RAPGEF2: variants seen among roughly 807,000 people sequenced by gnomAD.
RAPGEF2 encodes PDZ domain containing guanine nucleotide exchange factor (GEF) 1.
RAPGEF2 carries 54 observed loss-of-function variants against 186.7 expected under a neutral mutation model. The ratio of observed to expected loss-of-function variants is 0.29; its 90% CI spans 0.23 to 0.36. The LOEUF (loss-of-function observed/expected upper bound fraction) is 0.36, where lower values mean the gene tolerates loss of function less well. RAPGEF2 is among the 10% of genes least tolerant of loss of function. The probability of loss-of-function intolerance (pLI) is 1.00; values close to 1 mark genes in which losing one functional copy is unlikely to be tolerated. For missense variants in RAPGEF2, 1,532 were observed against 2,045.0 expected (o/e 0.75, Z 4.84); for synonymous variants, 712 against 705.9 (o/e 1.01, Z -0.14).
intron 4 of RAPGEF2, among the ~76,000 whole-genome samples, chr4:159,220,517 G>A (rs894016051): frequency 2.0e-5 from 3 of 152,192 alleles, no homozygotes; most frequent in East Asian, 1.9e-4. Context: ...ACTCCTTGGC[G>A]AGACATACAG....
intron 7 of RAPGEF2, among the ~76,000 whole-genome samples, chr4:159,265,306 T>C (rs1286624623): frequency 6.6e-6 from 1 of 152,116 alleles, no homozygotes; most frequent in Non-Finnish European, 1.5e-5. Context: ...TGGGACTACA[T>C]GCAAAATTAC....
intron 1 of RAPGEF2, among the ~76,000 whole-genome samples, chr4:159,164,008 GT>G (rs879751797): frequency 6.1e-4 from 88 of 145,380 alleles, no homozygotes; most frequent in East Asian, 6.0e-4. Context: ...AGTACTGGTA[GT>G]TTTTTTTTTT....
chr4:159,259,857 A>G (rs1387790989), intron 7 of RAPGEF2, among the ~76,000 whole-genome samples: 8 of 152,320 alleles, frequency 5.3e-5, no homozygotes, highest in South Asian at 4.1e-4. Flanking sequence ...CTAGTTATAT[A>G]TAATCTGAAT....
chr4:159,327,115 GATT>G (rs1404394859), intron 11 of RAPGEF2: 2 of 152,190 alleles, frequency 1.3e-5, no homozygotes, highest in Admixed American at 1.3e-4. Flanking sequence ...ATTGAAAATT[GATT>G]ACACTATATG....
At chr4:159,258,670 ACT>A (rs2110731558) in intron 7 of RAPGEF2, among the ~76,000 whole-genome samples, 1 of 152,282 alleles carries the variant, frequency 6.6e-6, no homozygotes, top group Admixed American at 6.5e-5. Context: ...ATTTCTGAAG[ACT>A]CAATAGGTCT....
chr4:159,251,345 C>T (rs1202420631), intron 7 of RAPGEF2, among the ~76,000 whole-genome samples: 2 of 152,238 alleles, frequency 1.3e-5, no homozygotes, highest in Non-Finnish European at 2.9e-5. Flanking sequence ...GCTCTGCCCG[C>T]GTCCCAGGCG....
At chr4:159,257,566 T>C (rs1033156366) in intron 7 of RAPGEF2, among the ~76,000 whole-genome samples, 1 of 152,196 alleles carries the variant, frequency 6.6e-6, no homozygotes, top group African/African-American at 2.4e-5. Context: ...CCAAATCATA[T>C]CAACATTTAA....
intron 4 of RAPGEF2, among the ~76,000 whole-genome samples, chr4:159,231,475 G>A (rs533621665): frequency 3.1e-4 from 47 of 151,824 alleles, no homozygotes; most frequent in African/African-American, 4.3e-4. Context: ...TCATATATCC[G>A]TGTGAGAAAT....
intron 1 of RAPGEF2, among the ~76,000 whole-genome samples, chr4:159,137,527 A>C (rs544485319): frequency 6.6e-6 from 1 of 152,316 alleles, no homozygotes; most frequent in African/African-American, 2.4e-5. Context: ...TTAGGGCTTC[A>C]GTATATGAAT....
chr4:159,354,962 A>G lies in RAPGEF2; in HGVS notation c.4652-891A>G, dbSNP rs115008409. Among the ~76,000 whole-genome samples, 718 of 152,336 alleles carry G rather than the reference A, an allele frequency of 4.7e-3. 6 individuals carry two copies. The highest frequency in any genetic ancestry group is 8.2e-3 in the Non-Finnish European group (557 of 68,032). The stretch of plus-strand genomic sequence containing the variant: ...TATAATCATTACGGACATTACTTTT[A>G]TTAGTAGGAAAATTGTAGTTATTTA... On this transcript the variant is annotated intron_variant, in intron 28 of 29. Coordinates refer to ENST00000691494, the MANE Select transcript of RAPGEF2 (RefSeq NM_001394067.2).
At position 159,193,240 on chromosome 4, in the gene RAPGEF2, A is replaced by G; in HGVS notation, c.181A>G (p.Asn61Asp). 6.7e-7 allele frequency: 1 copy of G among 1,501,894 alleles called. No homozygotes were observed. The highest frequency in any genetic ancestry group is 2.6e-5 in the East Asian group (1 of 39,198). 93.0% of individuals were successfully genotyped at this position (1,501,894 alleles called of 1,614,324 possible). Reference sequence around the variant, plus strand: ...TGTGAGATATGAGAGACACGAAGCAAATGAAGTTTTATACTAGTAGGTGTT... The same window carrying G: ...TGTGAGATATGAGAGACACGAAGCAGATGAAGTTTTATACTAGTAGGTGTT... ...ETVRYERHEA[N>D]EVLYYPDDIG... Residue 61 changes from asparagine (N) to aspartate (D), a missense_variant, in exon 3 of 30, where the codon AAT becomes GAT. Physicochemically the swap from Asn to Asp is conservative, Grantham distance 23. Transcript: ENST00000691494.
At chr4:159,156,019 A>G (rs1370213210) in intron 1 of RAPGEF2, among the ~76,000 whole-genome samples, 1 of 152,196 alleles carries the variant, frequency 6.6e-6, no homozygotes, top group East Asian at 1.9e-4. Flanking sequence ...AAGTTACTGT[A>G]AAACTTAGGC....
chr4:159,302,427 T>C (rs1206601933), intron 7 of RAPGEF2, among the ~76,000 whole-genome samples: 1 of 152,234 alleles, frequency 6.6e-6, no homozygotes, highest in Non-Finnish European at 1.5e-5. Context: ...TGTTCTCTAA[T>C]TACATGTATT....
intron 7 of RAPGEF2, among the ~76,000 whole-genome samples, chr4:159,261,494 G>C (rs1398966464): frequency 6.6e-6 from 1 of 152,188 alleles, no homozygotes; most frequent in Non-Finnish European, 1.5e-5. Context: ...TTTAGTTCAT[G>C]TTTCTAGGTC....
chr4:159,137,705 A>C (rs1741867087), intron 1 of RAPGEF2, among the ~76,000 whole-genome samples: 1 of 87,362 alleles, frequency 1.1e-5, no homozygotes, highest in Admixed American at 1.5e-4. Context: ...GTGAAAAATA[A>C]ATGCAAAAAA....
intron 7 of RAPGEF2, among the ~76,000 whole-genome samples, chr4:159,264,189 A>G (rs1757184812): frequency 6.6e-6 from 1 of 152,174 alleles, no homozygotes; most frequent in South Asian, 2.1e-4. Context: ...TCAACATACA[A>G]GATAGTGTGG....
At chr4:159,137,349 T>C (rs991770362) in intron 1 of RAPGEF2, among the ~76,000 whole-genome samples, 1 of 152,106 alleles carries the variant, frequency 6.6e-6, no homozygotes, top group African/African-American at 2.4e-5. Context: ...CCTCAGCTCA[T>C]AGGAGGGGAA....
At chr4:159,114,626 C>T (rs760749955) in intron 1 of RAPGEF2, among the ~76,000 whole-genome samples, 9 of 152,046 alleles carry the variant, frequency 5.9e-5, no homozygotes, top group East Asian at 3.8e-4. Context: ...TTTAATGTTT[C>T]GTGATTCTGA....
chr4:159,161,732 T>A (rs1333464581), intron 1 of RAPGEF2, among the ~76,000 whole-genome samples: 2 of 151,996 alleles, frequency 1.3e-5, no homozygotes, highest in Non-Finnish European at 2.9e-5. Context: ...ATAAAAAAAA[T>A]TTAGATTGTG....
Sources: gnomAD v4.1 joint callset for allele counts (sites outside exome capture counted in the v4.1 genomes callset) on GRCh38, gnomAD v4.1.1 for gene constraint, MANE v1.5 for transcripts, NCBI Gene and HGNC (gene_info 2026-07-23, HGNC 2026-07-21) for gene names.